Variants in VWCE observed in about 807,000 individuals in gnomAD.
VWCE encodes the protein von Willebrand factor C and EGF domain-containing protein.
VWCE carries 68 observed loss-of-function variants against 102.9 expected under a neutral mutation model. The observed-to-expected ratio is 0.66, with a 90% CI of 0.54 to 0.81. The LOEUF is 0.81. VWCE is among the 30% of genes least tolerant of loss of function. VWCE has a pLI of 0.00. For missense variants in VWCE, 1,137 were observed against 1,263.6 expected (o/e 0.90, Z 1.52); for synonymous variants, 497 against 515.4 (o/e 0.96, Z 0.48).
chr11:61,280,186 G>A (rs982911365), intron 9 of VWCE, among the ~76,000 whole-genome samples: 1 of 152,088 alleles, frequency 6.6e-6, no homozygotes, highest in Non-Finnish European at 1.5e-5. Context: ...CAAAAAGGGG[G>A]CAGAATTTAG....
intron 19 of VWCE, 131 bp from the exon 20 acceptor site, chr11:61,259,443 G>T: frequency 8.8e-7 from 1 of 1,132,860 alleles, no homozygotes; most frequent in Non-Finnish European, 1.2e-6. Flanking sequence ...GTGAGGACCA[G>T]CCAGCTCCTG....
At chr11:61,274,426 A>G in intron 12 of VWCE, 73 bp downstream of exon 12, 1 of 1,438,594 alleles carries the variant, frequency 7.0e-7, no homozygotes, top group Non-Finnish European at 9.7e-7. Flanking sequence ...AGTCATGTCA[A>G]CCTGAGTAAA....
At chr11:61,260,945 C>T (rs1409529337) in intron 19 of VWCE, among the ~76,000 whole-genome samples, 1 of 152,010 alleles carries the variant, frequency 6.6e-6, no homozygotes, top group Non-Finnish European at 1.5e-5. Context: ...AAGTATCGGC[C>T]CAGGCGCAGT....
At position 61,270,790 on chromosome 11, in the gene VWCE, G is replaced by T. The variant is rs1414518660; in HGVS notation, c.1785+885C>A. ...TTCCTAATTCTTACTCCTCATGCCA[G>T]CAGCTCCCTGCACATGCACACTGTG... On this transcript the variant is annotated intron_variant, in intron 14 of 19. Transcript: ENST00000335613. 6.6e-5 allele frequency among the ~76,000 whole-genome samples: 10 copies of T among 151,134 alleles called. No individual in the cohort carries two copies. In the East Asian group the frequency reaches 1.9e-3, roughly 29 times the overall value.
intron 14 of VWCE, among the ~76,000 whole-genome samples, chr11:61,269,586 C>T (rs1027498169): frequency 1.3e-5 from 2 of 151,756 alleles, no homozygotes; most frequent in African/African-American, 4.8e-5. Flanking sequence ...GCTGGGATTA[C>T]AAGCATGCGC....
intron 4 of VWCE, among the ~76,000 whole-genome samples, chr11:61,288,155 CAAAAAAAAAAAAA>C (rs397978316): frequency 1.2e-3 from 44 of 37,290 alleles, no homozygotes; most frequent in Non-Finnish European, 2.1e-3. Flanking sequence ...GACTCTGTCT[CAAAAAAAAAAAAA>C]AAAAAAAAAA....
chr11:61,276,451 C>A, intron 11 of VWCE, 142 bp downstream of exon 11: 1 of 546,762 alleles, frequency 1.8e-6, no homozygotes, highest in Non-Finnish European at 2.9e-6. Context: ...GGCTTGGGGG[C>A]TCATGCCTGT....
chr11:61,294,181 G>A lies in VWCE; in HGVS notation c.110+747C>T, dbSNP rs1590666876. On this transcript the variant is annotated intron_variant, in intron 1 of 19. Coordinates refer to ENST00000335613, the MANE Select transcript of VWCE (RefSeq NM_152718.2). The surrounding 1 kb of genome is among the most constrained non-coding windows in gnomAD (Gnocchi z 6.3). The stretch of plus-strand genomic sequence containing the variant: ...GTGGGAGCCTGTGGAACGCCGGGGA[G>A]TCGGGGCAGGTTCTGAGCAGGAACT... Among the ~76,000 whole-genome samples, 1 of 152,194 alleles carries A rather than the reference G, an allele frequency of 6.6e-6. No individual in the cohort carries two copies. Among genetic ancestry groups the A allele is most frequent in the Non-Finnish European group, 1.5e-5 (1 of 68,028 alleles).
intron 3 of VWCE, 31 bp from the exon 4 acceptor site, chr11:61,290,958 A>G: frequency 6.3e-7 from 1 of 1,597,120 alleles, no homozygotes; most frequent in Non-Finnish European, 8.6e-7. Context: ...GTGAGCATGC[A>G]CCCCGTGGCA....
At chr11:61,280,166 G>A (rs953033608) in intron 9 of VWCE, among the ~76,000 whole-genome samples, 5 of 152,076 alleles carry the variant, frequency 3.3e-5, no homozygotes, top group African/African-American at 7.2e-5. Context: ...AGCAGATGGC[G>A]GGGGCGAGTC....
intron 10 of VWCE, among the ~76,000 whole-genome samples, chr11:61,277,695 C>A (rs934596723): frequency 6.6e-6 from 1 of 152,148 alleles, no homozygotes; most frequent in Non-Finnish European, 1.5e-5. Context: ...CAAATCCCAG[C>A]TCTGCCACCT....
chr11:61,290,268 T>C (rs536482241), intron 4 of VWCE, among the ~76,000 whole-genome samples: 1 of 152,274 alleles, frequency 6.6e-6, no homozygotes, highest in East Asian at 1.9e-4. Context: ...TCCTAACACT[T>C]TGGGAGTCCG....
intron 11 of VWCE, among the ~76,000 whole-genome samples, chr11:61,274,888 C>T (rs1047800781): frequency 4.6e-5 from 7 of 152,070 alleles, no homozygotes; most frequent in African/African-American, 1.4e-4. Context: ...ACAGCGAGAC[C>T]CCATCTCTAC....
At chr11:61,280,267 G>A (rs937894562) in intron 9 of VWCE, among the ~76,000 whole-genome samples, 4 of 152,124 alleles carry the variant, frequency 2.6e-5, no homozygotes, top group African/African-American at 9.7e-5. Flanking sequence ...GATTTAAAGA[G>A]GCTCAATGAA....
chr11:61,277,538 G>A (rs920813229), intron 10 of VWCE, among the ~76,000 whole-genome samples: 1 of 151,944 alleles, frequency 6.6e-6, no homozygotes, highest in Non-Finnish European at 1.5e-5. Context: ...GCTTGAGCCC[G>A]AGGCTGCAAT....
At chr11:61,278,305 C>A (rs1450907382) in intron 10 of VWCE, 89 bp downstream of exon 10, 2 of 1,414,954 alleles carry the variant, frequency 1.4e-6, no homozygotes, top group Non-Finnish European at 2.0e-6. Flanking sequence ...AACAAGCTCA[C>A]CTTTAACATC....
At chr11:61,266,968 T>C (rs544627763) in intron 16 of VWCE, among the ~76,000 whole-genome samples, 1 of 152,200 alleles carries the variant, frequency 6.6e-6, no homozygotes, top group African/African-American at 2.4e-5. Flanking sequence ...TTTAAAAATA[T>C]TTCTCTGGGC....
At position 61,286,297 on chromosome 11, in the gene VWCE, C is replaced by G. The variant is rs376706620; in HGVS notation, c.541+17G>C. On this transcript the variant is annotated intron_variant, in intron 5 of 19. Transcript: ENST00000335613. ...CATTACCCCTCCCAGAGCAGCCATT[C>G]CTTCTCTGCAGCTCACCTTGGCAGC... is the stretch of plus-strand genomic sequence containing the variant. 4 of 1,601,252 alleles carry G rather than the reference C, an allele frequency of 2.5e-6. No individual in the cohort carries two copies. In the East Asian group the frequency reaches 8.9e-5, roughly 36 times the overall value.
intron 16 of VWCE, among the ~76,000 whole-genome samples, chr11:61,266,993 C>T (rs1439939082): frequency 2.0e-5 from 3 of 152,216 alleles, no homozygotes; most frequent in Non-Finnish European, 4.4e-5. Flanking sequence ...CATAGTGGCT[C>T]ATGCCTGTAA....
Sources: allele counts gnomAD v4.1 joint callset (sites outside exome capture counted in the v4.1 genomes callset), GRCh38; gene constraint gnomAD v4.1.1; non-coding constraint Gnocchi (gnomAD v3.1); transcripts MANE v1.5; gene names NCBI Gene and HGNC (gene_info 2026-07-23, HGNC 2026-07-21).